Variants in IGF2 observed in about 807,000 individuals in gnomAD.
IGF2 encodes insulin like growth factor 2.
In IGF2, 2 loss-of-function variants were observed where a neutral mutation model predicts 12.0. The ratio of observed to expected loss-of-function variants is 0.17; its 90% CI spans 0.07 to 0.52. IGF2 has a LOEUF of 0.52. Ranked by LOEUF, IGF2 falls within the 20% of genes least tolerant of loss-of-function variation. The pLI, the probability that IGF2 is intolerant of heterozygous loss-of-function variation, is 0.95. For synonymous variants in IGF2, 105 were observed against 110.1 expected (o/e 0.95, Z 0.29); for missense variants, 211 against 268.0 (o/e 0.79, Z 1.48).
At position 2,131,138 on chromosome 11, in the gene IGF2, G is replaced by A; in HGVS notation, c.*1849C>T. The A allele has an allele frequency of 4.3e-6, 1 of 233,132 alleles. No individual in the cohort carries two copies. 14.4% of individuals were successfully genotyped at this position (233,132 alleles called of 1,614,324 possible). A position where few individuals can be genotyped will look rare whatever the true frequency, so the allele number is the denominator to read the frequency against. On this transcript the variant is annotated 3_prime_UTR_variant, in exon 4 of 4. Transcript: ENST00000416167. The stretch of plus-strand genomic sequence containing the variant: ...GGCGCCAAGGAGGCCAGCCTCACAA[G>A]GGCATCTCTGTCATGGTGGAAAGAT...
chr11:2,147,187 T>G, the IGF2 span: 1 of 160,844 alleles, frequency 6.2e-6, no homozygotes. This position sits in a 1 kb window ranked among gnomAD's most constrained non-coding sequence, Gnocchi z 7.2. Flanking sequence ...TTCCTTGGGT[T>G]TTTAGGTTCT....
chr11:2,132,803 C>T lies in IGF2; in HGVS notation c.*184G>A. On this transcript the variant is annotated 3_prime_UTR_variant, in exon 4 of 4. Coordinates refer to ENST00000416167, the MANE Select transcript of IGF2 (RefSeq NM_000612.6). The stretch of plus-strand genomic sequence containing the variant: ...GAAGATGCTGCTGTGCTTCCTCAGC[C>T]CGATGGAGGGGGCCGAGGAGAGTAG... The T allele has an allele frequency of 1.8e-6, 1 of 550,120 alleles. No homozygotes were observed. The highest frequency in any genetic ancestry group is 3.0e-5 in the South Asian group (1 of 33,344). 34.1% of individuals were successfully genotyped at this position (550,120 alleles called of 1,614,324 possible).
Position 2,133,777 on chromosome 11 carries a change from C to T in IGF2, c.158-112G>A, listed in dbSNP as rs542172544. On this transcript the variant is annotated intron_variant, in intron 2 of 3. Transcript: ENST00000416167. This position sits in a 1 kb window ranked among gnomAD's most constrained non-coding sequence, Gnocchi z 8.9. ...GCCCTCAGGCCAGGCCCTGGAAGGA[C>T]GCAGCCACCCTGCGGGTCAGGGGAG... The T allele has an allele frequency of 2.0e-5, 26 of 1,308,886 alleles. No individual in the cohort carries two copies. Among genetic ancestry groups the T allele is most frequent in the Admixed American group, 2.0e-4 (8 of 40,694 alleles). 81.1% of individuals were successfully genotyped at this position (1,308,886 alleles called of 1,614,324 possible).
rs1261734043 is a variant in IGF2 at position 2,138,564 on chromosome 11, G to C, written c.-342C>G. 9.9e-6 allele frequency: 5 copies of C among 504,846 alleles called. No homozygotes were observed. The highest frequency in any genetic ancestry group is 2.4e-5 in the African/African-American group (1 of 42,124). The allele number at this position is 504,846 out of a possible 1,614,324, so 31.3% of individuals were successfully genotyped here. A position where few individuals can be genotyped will look rare whatever the true frequency, so the allele number is the denominator to read the frequency against. ...GGAGAGACAGAGTGAACGTGAAAGG[G>C]GGGGGCCGAAGAGAGGGCGAGGGGG... On this transcript the variant is annotated 5_prime_UTR_variant, in exon 1 of 4. Coordinates refer to ENST00000416167, the MANE Select transcript of IGF2 (RefSeq NM_000612.6).
chr11:2,148,490 G>C, the IGF2 span: 1 of 153,478 alleles, frequency 6.5e-6, no homozygotes, highest in African/African-American at 2.4e-5. This position sits in a 1 kb window ranked among gnomAD's most constrained non-coding sequence, Gnocchi z 4.3. Context: ...GCCATCAGGA[G>C]GAGAGAAGCT....
In IGF2 at chr11:2,138,782, G is replaced by T. The variant is rs1318526362; in HGVS notation, c.-560C>A. ...GAAGGTTGCGGGAGAAAGAGCGGGGGCCGGGGCCAGACGCCAAGAGGGGCG... is the reference window on the plus strand; with the variant it reads ...GAAGGTTGCGGGAGAAAGAGCGGGGTCCGGGGCCAGACGCCAAGAGGGGCG... On this transcript the variant is annotated 5_prime_UTR_variant, in exon 1 of 4. Transcript: ENST00000416167. 3 of 948,672 alleles carry T rather than the reference G, an allele frequency of 3.2e-6. No homozygotes were observed. Among genetic ancestry groups the T allele is most frequent in the Non-Finnish European group, 3.8e-6 (3 of 797,990 alleles). 58.8% of individuals were successfully genotyped at this position (948,672 alleles called of 1,614,324 possible). A position where few individuals can be genotyped will look rare whatever the true frequency, so the allele number is the denominator to read the frequency against.
At chr11:2,138,155 G>A (rs1051382998) in intron 1 of IGF2, 74 bp downstream of exon 1, 1 of 919,688 alleles carries the variant, frequency 1.1e-6, no homozygotes, top group African/African-American at 1.8e-5. Flanking sequence ...GCGGGCGGAG[G>A]AAGGGCCGGG....
At chr11:2,136,044 G>A (rs565211387) in intron 1 of IGF2, among the ~76,000 whole-genome samples, 1 of 152,130 alleles carries the variant, frequency 6.6e-6, no homozygotes, top group Non-Finnish European at 1.5e-5. Context: ...AGCTGAGCAG[G>A]GGGGGTCCAG....
rs1166020246 is a variant in IGF2, at chr11:2,138,094, T to TC, written c.-7+134dup. Reference sequence around the variant, plus strand: ...TCCGTCCTCCTCCTCCTCCTCCTCCTCCCCCCCGGGCTCAGCCGCCCCGCC... The same window carrying TC: ...TCCGTCCTCCTCCTCCTCCTCCTCCTCCCCCCCCGGGCTCAGCCGCCCCGCC... On this transcript the variant is annotated intron_variant, in intron 1 of 3. Coordinates refer to ENST00000416167, the MANE Select transcript of IGF2 (RefSeq NM_000612.6). The TC allele has an allele frequency of 2.1e-4, 77 of 369,378 alleles. 3 individuals are homozygous for TC. In the East Asian group the frequency reaches 0.012, roughly 57 times the overall value. 22.9% of individuals were successfully genotyped at this position (369,378 alleles called of 1,614,324 possible). A position where few individuals can be genotyped will look rare whatever the true frequency, so the allele number is the denominator to read the frequency against.
rs1858538103 is a variant in IGF2 at position 2,131,425 on chromosome 11, T to TGCGTGTGTGTGC, written c.*1550_*1561dup. ...GTTTTCATCCAATTTTGTGGGGGTG[T>TGCGTGTGTGTGC]GCGTGTGTGTGCGCATGTGTGTGTG... On this transcript the variant is annotated 3_prime_UTR_variant, in exon 4 of 4. Coordinates refer to ENST00000416167, the MANE Select transcript of IGF2 (RefSeq NM_000612.6). The TGCGTGTGTGTGC allele has an allele frequency of 1.3e-5, 3 of 232,168 alleles. No individual in the cohort carries two copies. Among genetic ancestry groups the TGCGTGTGTGTGC allele is most frequent in the Non-Finnish European group, 2.5e-5 (3 of 118,126 alleles). 14.4% of individuals were successfully genotyped at this position (232,168 alleles called of 1,614,324 possible). A position where few individuals can be genotyped will look rare whatever the true frequency, so the allele number is the denominator to read the frequency against.
intron 2 of IGF2, among the ~76,000 whole-genome samples, chr11:2,134,414 C>T (rs1276143247): frequency 6.6e-6 from 1 of 152,228 alleles, no homozygotes; most frequent in Non-Finnish European, 1.5e-5. Flanking sequence ...GGCACCAGGC[C>T]CTGCAGTGCC....
rs573628608 is a variant in IGF2 at position 2,131,709 on chromosome 11, T to C, written c.*1278A>G. ...GCTGTGTTTGTGTGTGTGCTGTGTG[T>C]GCTGTGTTCGTGTGTGCTGTGTTCG... On this transcript the variant is annotated 3_prime_UTR_variant, in exon 4 of 4. Transcript: ENST00000416167. The C allele has an allele frequency of 1.5e-3, 315 of 216,078 alleles. 1 individual carries two copies. The highest frequency in any genetic ancestry group is 7.1e-3 in the African/African-American group (302 of 42,482). 13.4% of individuals were successfully genotyped at this position (216,078 alleles called of 1,614,324 possible).
At chr11:2,140,011 C>G, upstream of IGF2, 1 of 908,002 alleles carries the variant, frequency 1.1e-6, no homozygotes, top group Non-Finnish European at 1.6e-6. Context: ...GGAGCCCCCG[C>G]CAGGTGCGGG....
intron 1 of IGF2, chr11:2,137,149 G>A: frequency 1.6e-5 from 13 of 833,896 alleles, no homozygotes; most frequent in Non-Finnish European, 1.9e-5. Context: ...GGCTGGAGTG[G>A]GATGGCAGCG....
upstream of IGF2, chr11:2,146,094 C>A: frequency 2.3e-6 from 1 of 426,842 alleles, no homozygotes; most frequent in South Asian, 1.8e-5. Flanking sequence ...CACTGGCAAA[C>A]CCACATTCCA....
Position 2,133,489 on chromosome 11 carries a change from G to T in IGF2, c.306+28C>A, listed in dbSNP as rs1386405265. ...GAAGCCCTATTTCTCTGTCTCTAGA[G>T]AGTGGGAAAGGGGCCCAGGACCCTC... On this transcript the variant is annotated intron_variant, in intron 3 of 3. Transcript: ENST00000416167. The surrounding 1 kb of genome is among the most constrained non-coding windows in gnomAD (Gnocchi z 8.9). 6.2e-7 allele frequency: 1 copy of T among 1,600,238 alleles called. No individual in the cohort carries two copies. Among genetic ancestry groups the T allele is most frequent in the Non-Finnish European group, 8.5e-7 (1 of 1,173,782 alleles).
At chr11:2,137,532 G>C (rs567345759) in intron 1 of IGF2, among the ~76,000 whole-genome samples, 17 of 135,998 alleles carry the variant, frequency 1.3e-4, no homozygotes, top group East Asian at 5.8e-4. Flanking sequence ...GCAGTGAAGG[G>C]GGGGGGGGTC....
intron 2 of IGF2, 98 bp downstream of exon 2, chr11:2,135,269 T>G: frequency 8.8e-7 from 1 of 1,131,962 alleles, no homozygotes; most frequent in East Asian, 2.8e-5. Flanking sequence ...GCTGGGCTGC[T>G]GACCTAGGAG....
chr11:2,131,691 TTGTG>T lies in IGF2; in HGVS notation c.*1292_*1295del, dbSNP rs776461028. 2.3e-5 allele frequency: 4 copies of T among 175,056 alleles called. No homozygotes were observed. Among genetic ancestry groups the T allele is most frequent in the Non-Finnish European group, 4.4e-5 (4 of 90,156 alleles). The allele number at this position is 175,056 out of a possible 1,614,324, so 10.8% of individuals were successfully genotyped here. A position where few individuals can be genotyped will look rare whatever the true frequency, so the allele number is the denominator to read the frequency against. On this transcript the variant is annotated 3_prime_UTR_variant, in exon 4 of 4. Coordinates refer to ENST00000416167, the MANE Select transcript of IGF2 (RefSeq NM_000612.6). Reference sequence around the variant, plus strand: ...TGCTGTGTGCATGTGTGTGCTGTGTTTGTGTGTGTGCTGTGTGTGCTGTGTTCGT... The same window carrying T: ...TGCTGTGTGCATGTGTGTGCTGTGTTTGTGTGCTGTGTGTGCTGTGTTCGT...
Sources: allele counts gnomAD v4.1 joint callset (sites outside exome capture counted in the v4.1 genomes callset), GRCh38; gene constraint gnomAD v4.1.1; non-coding constraint Gnocchi (gnomAD v3.1); transcripts MANE v1.5; gene names NCBI Gene and HGNC (gene_info 2026-07-23, HGNC 2026-07-21).